Variants in TACC1 observed in about 807,000 individuals in gnomAD.
TACC1 encodes the protein transforming acidic coiled-coil containing protein 1.
In TACC1, 48 loss-of-function variants were observed where a neutral mutation model predicts 84.4. The observed-to-expected ratio is 0.57, with a 90% confidence interval of 0.45 to 0.72. The LOEUF (loss-of-function observed/expected upper bound fraction) is 0.72. Among genes scored for constraint, TACC1 ranks in the 30% least tolerant of loss-of-function variants. The pLI is 0.00. For synonymous variants in TACC1, 372 were observed against 376.3 expected (o/e 0.99, Z 0.13); for missense variants, 920 against 973.0 (o/e 0.95, Z 0.72).
At chr8:38,838,204 C>A (rs75433153) in intron 7 of TACC1, among the ~76,000 whole-genome samples, 8,342 of 152,278 alleles carry the variant, frequency 0.055, 298 homozygotes, top group Non-Finnish European at 0.079. Flanking sequence ...AGACCCTGGA[C>A]CAAGGTAAAG....
chr8:38,843,504 GTTTA>G, intron 11 of TACC1, 109 bp downstream of exon 11: 1 of 703,580 alleles, frequency 1.4e-6, no homozygotes, highest in Non-Finnish European at 2.2e-6. Context: ...TTATGTGTGT[GTTTA>G]TTTCACTTTT....
chr8:38,780,060 G>C (rs1325514276), intron 3 of TACC1, among the ~76,000 whole-genome samples: 1 of 152,216 alleles, frequency 6.6e-6, no homozygotes, highest in Non-Finnish European at 1.5e-5. Context: ...CACACAGTCA[G>C]AAGCTTCATT....
intron 3 of TACC1, chr8:38,757,288 C>T (rs1810266665): frequency 8.0e-7 from 1 of 1,243,528 alleles, no homozygotes; most frequent in Non-Finnish European, 1.0e-6. Context: ...CAGCCGCCCG[C>T]CGCCCAGCAC....
intron 3 of TACC1, among the ~76,000 whole-genome samples, chr8:38,751,470 G>A (rs1209270299): frequency 6.6e-6 from 1 of 152,154 alleles, no homozygotes; most frequent in Non-Finnish European, 1.5e-5. Flanking sequence ...ATTTGTACAA[G>A]CACTGCTCGT....
At chr8:38,772,780 G>A (rs1813905591) in intron 3 of TACC1, among the ~76,000 whole-genome samples, 1 of 151,704 alleles carries the variant, frequency 6.6e-6, no homozygotes, top group African/African-American at 2.4e-5. Flanking sequence ...TTAACGTGTT[G>A]ATTTAAATAT....
intron 3 of TACC1, among the ~76,000 whole-genome samples, chr8:38,758,342 G>A (rs572438617): frequency 1.3e-5 from 2 of 152,170 alleles, no homozygotes; most frequent in East Asian, 1.9e-4. Context: ...TAATGTTACC[G>A]ATGTTCACAA....
At chr8:38,822,040 G>C (rs552161554) in intron 3 of TACC1, among the ~76,000 whole-genome samples, 10 of 152,118 alleles carry the variant, frequency 6.6e-5, no homozygotes, top group Non-Finnish European at 1.5e-5. Flanking sequence ...GGGCAACATA[G>C]TGAGACACCC....
chr8:38,776,789 A>G (rs1814878106), intron 3 of TACC1, among the ~76,000 whole-genome samples: 1 of 152,174 alleles, frequency 6.6e-6, no homozygotes, highest in African/African-American at 2.4e-5. Context: ...TCTTTGAAGG[A>G]ACTTTCATGT....
In TACC1 at chr8:38,850,627, AC is replaced by A. The variant is rs1409771810; in HGVS notation, c.*2606del. On this transcript the variant is annotated 3_prime_UTR_variant, in exon 13 of 13. Transcript: ENST00000317827. ...GGCAACATGGTGAAACCTTGTCTCT[AC>A]CAAAATAAAAATTAGCTGGGCATGG... The A allele has an allele frequency of 2.0e-5, 3 of 151,984 alleles. No individual in the cohort carries two copies. Among genetic ancestry groups the A allele is most frequent in the Admixed American group, 2.0e-4 (3 of 15,242 alleles). 9.4% of individuals were successfully genotyped at this position (151,984 alleles called of 1,614,324 possible).
At chr8:38,815,356 G>A (rs1825184218) in intron 2 of TACC1, among the ~76,000 whole-genome samples, 1 of 152,078 alleles carries the variant, frequency 6.6e-6, no homozygotes. Flanking sequence ...AAATCTTAAG[G>A]CAGTGGAACC....
At chr8:38,831,500 A>G (rs34884634) in intron 6 of TACC1, among the ~76,000 whole-genome samples, 18,567 of 151,914 alleles carry the variant, frequency 0.12, 1,407 homozygotes, top group East Asian at 0.26. Flanking sequence ...TATTGTTGTT[A>G]TTATTATTAT....
intron 3 of TACC1, chr8:38,745,639 G>A (rs1587168727): frequency 3.6e-6 from 2 of 557,296 alleles, no homozygotes; most frequent in East Asian, 3.0e-5. Context: ...TGCCTCCTGG[G>A]TTCAAGGAAT....
At chr8:38,742,517 A>G in intron 2 of TACC1, 1 of 1,178,578 alleles carries the variant, frequency 8.5e-7, no homozygotes, top group East Asian at 2.6e-5. Context: ...TTTATTTCCT[A>G]GTGAAAAATA....
At chr8:38,792,312 T>C (rs1256043721) in intron 2 of TACC1, among the ~76,000 whole-genome samples, 1 of 152,206 alleles carries the variant, frequency 6.6e-6, no homozygotes, top group Admixed American at 6.5e-5. Context: ...CTGTTTTGTT[T>C]TGCTTTGAGA....
chr8:38,752,059 A>G (rs1322417323), intron 3 of TACC1, among the ~76,000 whole-genome samples: 3 of 152,342 alleles, frequency 2.0e-5, no homozygotes, highest in Admixed American at 6.5e-5. Context: ...TCTGCAGAGC[A>G]TAAGTAGCAT....
At chr8:38,806,150 G>A (rs762797012) in intron 2 of TACC1, among the ~76,000 whole-genome samples, 3 of 152,300 alleles carry the variant, frequency 2.0e-5, no homozygotes, top group East Asian at 3.9e-4. Flanking sequence ...CAGTGTGGTC[G>A]TGTGGGTTCC....
At chr8:38,758,611 G>A (rs796085353) in intron 3 of TACC1, among the ~76,000 whole-genome samples, 22 of 149,328 alleles carry the variant, frequency 1.5e-4, no homozygotes, top group Middle Eastern at 3.4e-3. Context: ...CCCAGAAGGC[G>A]GAGGTTGTGG....
chr8:38,796,166 A>T (rs559944028), intron 2 of TACC1, among the ~76,000 whole-genome samples: 2 of 152,198 alleles, frequency 1.3e-5, no homozygotes, highest in Non-Finnish European at 2.9e-5. Context: ...TTTTATGACC[A>T]TGATTCTGCG....
intron 2 of TACC1, among the ~76,000 whole-genome samples, chr8:38,810,580 G>A (rs1823852866): frequency 6.6e-6 from 1 of 151,690 alleles, no homozygotes; most frequent in Non-Finnish European, 1.5e-5. Context: ...CTCTAGCCTG[G>A]GTGACAGAGC....
Sources: allele counts gnomAD v4.1 joint callset (sites outside exome capture counted in the v4.1 genomes callset), GRCh38; gene constraint gnomAD v4.1.1; transcripts MANE v1.5; gene names NCBI Gene and HGNC (gene_info 2026-07-23, HGNC 2026-07-21).